HERC3: variants seen among roughly 807,000 people sequenced by gnomAD.
HERC3 encodes probable E3 ubiquitin-protein ligase HERC3.
Under a neutral mutation model 129.9 loss-of-function variants are expected in HERC3, and 58 were observed. The observed-to-expected ratio is 0.45, with a 90% confidence interval of 0.36 to 0.56. The LOEUF is 0.56. Among genes scored for constraint, HERC3 ranks in the 20% least tolerant of loss-of-function variants. The probability of loss-of-function intolerance (pLI) is 0.00; values close to 1 mark genes in which losing one functional copy is unlikely to be tolerated. For missense variants in HERC3, 835 were observed against 1,244.2 expected, an observed-to-expected ratio of 0.67 and a Z score of 4.95; for synonymous variants, 430 against 451.0, an observed-to-expected ratio of 0.95 and a Z score of 0.59.
intron 21 of HERC3, among the ~76,000 whole-genome samples, chr4:88,686,460 T>C (rs1733472670): frequency 6.6e-6 from 1 of 152,194 alleles, no homozygotes; most frequent in South Asian, 2.1e-4. Context: ...AGGACACAAG[T>C]ATGTCAGATT....
At chr4:88,635,781 C>G (rs765010039) in intron 3 of HERC3, among the ~76,000 whole-genome samples, 2 of 152,092 alleles carry the variant, frequency 1.3e-5, no homozygotes, top group Non-Finnish European at 2.9e-5. Flanking sequence ...GGGAAGCCCA[C>G]CAGACTAACA....
chr4:88,669,320 T>A (rs1578279698), intron 14 of HERC3, among the ~76,000 whole-genome samples: 1 of 152,212 alleles, frequency 6.6e-6, no homozygotes, highest in Non-Finnish European at 1.5e-5. Context: ...TCCAACGAAG[T>A]ATAAGCCAGT....
intron 2 of HERC3, among the ~76,000 whole-genome samples, chr4:88,602,765 C>G (rs945096977): frequency 2.0e-5 from 3 of 152,176 alleles, no homozygotes; most frequent in Admixed American, 6.5e-5. Flanking sequence ...CAGGTGTGAG[C>G]CACTGTGCCT....
rs530093023 is a variant in HERC3 at position 88,684,214 on chromosome 4, C to G, written c.2508-2522C>G. The stretch of plus-strand genomic sequence containing the variant: ...AGACATTACGCTACTTGACTTCAAA[C>G]TATACTGCAAGGCTATAGTAACCAA... On this transcript the variant is annotated intron_variant, in intron 21 of 25. Transcript: ENST00000402738. Among the ~76,000 whole-genome samples, 374 of 152,276 alleles carry G rather than the reference C, an allele frequency of 2.5e-3. 5 individuals are homozygous for G. Among genetic ancestry groups the G allele is most frequent in the Non-Finnish European group, 4.1e-3 (282 of 68,014 alleles).
rs565405465 is a variant in HERC3 at position 88,700,658 on chromosome 4, A to G, written c.2658-3440A>G. On this transcript the variant is annotated intron_variant, in intron 23 of 25. Coordinates refer to ENST00000402738, the MANE Select transcript of HERC3 (RefSeq NM_014606.3). ...TTCTTAGTACCGAAATCTATATGTC[A>G]GTGTTCTCCAGAGAAACAGAACCAA... is the stretch of plus-strand genomic sequence containing the variant. Among the ~76,000 whole-genome samples the G allele has an allele frequency of 2.0e-5, 3 of 151,940 alleles. No individual in the cohort carries two copies. The South Asian group carries it at 6.2e-4, about 32-fold the overall frequency.
the HERC3 span, among the ~76,000 whole-genome samples, chr4:88,562,949 T>C: frequency 6.6e-6 from 1 of 152,358 alleles, no homozygotes; most frequent in African/African-American, 2.4e-5. Context: ...TCTCCAGTTT[T>C]GTTTCTTTTC....
the HERC3 span, among the ~76,000 whole-genome samples, chr4:88,584,630 T>C: frequency 6.6e-6 from 1 of 152,200 alleles, no homozygotes; most frequent in Admixed American, 6.5e-5. Flanking sequence ...TTGTGCCTCT[T>C]TGCTTTTCTG....
intron 3 of HERC3, among the ~76,000 whole-genome samples, chr4:88,641,262 C>T (rs780962019): frequency 1.3e-5 from 2 of 151,974 alleles, no homozygotes; most frequent in African/African-American, 2.4e-5. Flanking sequence ...TTGAACTGAA[C>T]GAAAATGAAA....
At chr4:88,682,845 G>C (rs571157116) in intron 21 of HERC3, among the ~76,000 whole-genome samples, 1 of 151,790 alleles carries the variant, frequency 6.6e-6, no homozygotes, top group Non-Finnish European at 1.5e-5. Flanking sequence ...CCCAGTAATG[G>C]GATGGCCGGG....
the HERC3 span, among the ~76,000 whole-genome samples, chr4:88,531,044 G>C: frequency 1.3e-5 from 2 of 152,048 alleles, no homozygotes; most frequent in Non-Finnish European, 2.9e-5. Flanking sequence ...TTTTAATGGA[G>C]ATGGGGTTTT....
chr4:88,662,985 A>G (rs1730650968), intron 11 of HERC3, among the ~76,000 whole-genome samples: 2 of 150,222 alleles, frequency 1.3e-5, no homozygotes, highest in South Asian at 2.1e-4. Context: ...TGAGATGGTA[A>G]TTCAGAGTCA....
At chr4:88,638,091 A>G (rs1181876451) in intron 3 of HERC3, among the ~76,000 whole-genome samples, 2 of 152,236 alleles carry the variant, frequency 1.3e-5, no homozygotes, top group African/African-American at 4.8e-5. Context: ...AAATTGAGTC[A>G]GTAATAGATA....
At chr4:88,559,412 C>T in the HERC3 span, among the ~76,000 whole-genome samples, 2 of 152,128 alleles carry the variant, frequency 1.3e-5, no homozygotes, top group East Asian at 1.9e-4. Context: ...TATGTTGTAT[C>T]CTCTGAACTA....
rs1735844747 is a variant in HERC3 at position 88,707,022 on chromosome 4, GA to G, written c.*66del. 2.3e-6 allele frequency: 3 copies of G among 1,283,304 alleles called. No homozygotes were observed. The allele number at this position is 1,283,304 out of a possible 1,614,324, so 79.5% of individuals were successfully genotyped here. The stretch of plus-strand genomic sequence containing the variant: ...CAGTGTCCACATTGAGGCCTATACA[GA>G]AAATCATGGGGAGTGATTTCTATTT... On this transcript the variant is annotated 3_prime_UTR_variant, in exon 26 of 26. Coordinates refer to ENST00000402738, the MANE Select transcript of HERC3 (RefSeq NM_014606.3).
chr4:88,553,387 T>G, the HERC3 span, among the ~76,000 whole-genome samples: 1 of 152,188 alleles, frequency 6.6e-6, no homozygotes, highest in Admixed American at 6.5e-5. Flanking sequence ...GGGTCTCTGT[T>G]GCTTGTAAAC....
At position 88,592,523 on chromosome 4, in the gene HERC3, G is replaced by A. The variant is rs909198745; in HGVS notation, c.-139G>A. The A allele has an allele frequency of 2.0e-5, 3 of 152,324 alleles. No homozygotes were observed. Among genetic ancestry groups the A allele is most frequent in the African/African-American group, 4.8e-5 (2 of 41,468 alleles). 9.4% of individuals were successfully genotyped at this position (152,324 alleles called of 1,614,324 possible). ...AAAACGGAGAAACCCCGGGTCCGGCGAGAGGGGCTGTGACAGTCGGAGTCC... is the reference window on the plus strand; with the variant it reads ...AAAACGGAGAAACCCCGGGTCCGGCAAGAGGGGCTGTGACAGTCGGAGTCC... On this transcript the variant is annotated 5_prime_UTR_variant, in exon 1 of 26. Coordinates refer to ENST00000402738, the MANE Select transcript of HERC3 (RefSeq NM_014606.3).
chr4:88,697,762 G>A, intron 23 of HERC3: 1 of 1,601,040 alleles, frequency 6.2e-7, no homozygotes, highest in Non-Finnish European at 8.5e-7. Flanking sequence ...CATGTTAGAG[G>A]AGAAGCCGCA....
At chr4:88,599,636 G>A (rs1215686437) in intron 2 of HERC3, among the ~76,000 whole-genome samples, 3 of 152,142 alleles carry the variant, frequency 2.0e-5, no homozygotes, top group Non-Finnish European at 4.4e-5. Flanking sequence ...GACCCAGGAC[G>A]CCAAATTAAT....
chr4:88,566,492 A>G, the HERC3 span, among the ~76,000 whole-genome samples: 1 of 152,332 alleles, frequency 6.6e-6, no homozygotes, highest in African/African-American at 2.4e-5. Context: ...ATTTTTGATC[A>G]ACTCATCTTT....
Sources: gnomAD v4.1 joint callset for allele counts (sites outside exome capture counted in the v4.1 genomes callset) on GRCh38, gnomAD v4.1.1 for gene constraint, MANE v1.5 for transcripts, NCBI Gene and HGNC (gene_info 2026-07-23, HGNC 2026-07-21) for gene names.